The following RBM47 variants were observed in gnomAD, a reference collection of about 807,000 sequenced individuals.
The protein encoded by RBM47 is RNA binding motif protein 47, also known as RNA-binding protein 47.
Under a neutral mutation model 47.1 loss-of-function variants are expected in RBM47, and 21 were observed. That is an observed-to-expected ratio of 0.45 (90% CI 0.32 to 0.64). RBM47 has a LOEUF of 0.64. Among genes scored for constraint, RBM47 ranks in the 30% least tolerant of loss-of-function variants. RBM47 has a pLI of 0.05. For synonymous variants in RBM47, 375 were observed against 361.7 expected, an observed-to-expected ratio of 1.04 and a Z score of -0.42; for missense variants, 708 against 870.9, an observed-to-expected ratio of 0.81 and a Z score of 2.35.
At chr4:40,449,940 C>T (rs1255363685) in intron 3 of RBM47, among the ~76,000 whole-genome samples, 1 of 152,138 alleles carries the variant, frequency 6.6e-6, no homozygotes, top group African/African-American at 2.4e-5. Flanking sequence ...CCTTGGCCTC[C>T]TAAAGTGCTG....
chr4:40,500,273 A>G (rs1577810099), intron 2 of RBM47, among the ~76,000 whole-genome samples: 1 of 145,508 alleles, frequency 6.9e-6, no homozygotes, highest in African/African-American at 2.6e-5. Context: ...AGATCGTGCC[A>G]CTGCACTCCA....
Position 40,423,977 on chromosome 4 carries a change from T to C in RBM47, c.*1927A>G, listed in dbSNP as rs1714708414. ...CATCAGGAACATTGCACAATTATTT[T>C]ATGTCATTTAAAAGAATGATGGAAA... is the stretch of plus-strand genomic sequence containing the variant. On this transcript the variant is annotated 3_prime_UTR_variant, in exon 7 of 7. Coordinates refer to ENST00000295971, the MANE Select transcript of RBM47 (RefSeq NM_001098634.2). 6.6e-6 allele frequency: 1 copy of C among 152,384 alleles called. No homozygotes were observed. The highest frequency in any genetic ancestry group is 1.5e-5 in the Non-Finnish European group (1 of 68,032). The allele number at this position is 152,384 out of a possible 1,614,324, so 9.4% of individuals were successfully genotyped here. A position where few individuals can be genotyped will look rare whatever the true frequency, so the allele number is the denominator to read the frequency against.
At chr4:40,526,975 C>T (rs1014888822) in intron 2 of RBM47, among the ~76,000 whole-genome samples, 3 of 151,984 alleles carry the variant, frequency 2.0e-5, no homozygotes, top group Non-Finnish European at 2.9e-5. Context: ...AGTACAAAAC[C>T]TCACCAGGTT....
chr4:40,521,428 T>C (rs936209801), intron 2 of RBM47, among the ~76,000 whole-genome samples: 1 of 152,204 alleles, frequency 6.6e-6, no homozygotes, highest in Non-Finnish European at 1.5e-5. Context: ...CTTGAACTCC[T>C]GACCTCAGGT....
At chr4:40,442,460 T>G (rs1713808208) in intron 3 of RBM47, among the ~76,000 whole-genome samples, 1 of 152,212 alleles carries the variant, frequency 6.6e-6, no homozygotes, top group Non-Finnish European at 1.5e-5. Context: ...AAAAACAGTA[T>G]GGTGGTTCCT....
intron 1 of RBM47, among the ~76,000 whole-genome samples, chr4:40,592,417 T>C (rs1365863579): frequency 7.7e-6 from 1 of 129,400 alleles, no homozygotes; most frequent in African/African-American, 3.0e-5. Flanking sequence ...GGCTTAATCT[T>C]TTTTTTTTCT....
At chr4:40,569,434 G>A (rs1464725262) in intron 1 of RBM47, among the ~76,000 whole-genome samples, 3 of 149,762 alleles carry the variant, frequency 2.0e-5, no homozygotes, top group Non-Finnish European at 4.5e-5. Context: ...TTTTGAGACG[G>A]AGTCTGGCTC....
At chr4:40,456,576 T>TTC (rs1215826187) in intron 3 of RBM47, among the ~76,000 whole-genome samples, 1 of 144,300 alleles carries the variant, frequency 6.9e-6, no homozygotes, top group African/African-American at 2.6e-5. Context: ...TTTTTCTTTT[T>TTC]TTTTTTTTTT....
intron 1 of RBM47, among the ~76,000 whole-genome samples, chr4:40,564,396 C>T (rs1730906422): frequency 6.6e-6 from 1 of 152,200 alleles, no homozygotes; most frequent in South Asian, 2.1e-4. Context: ...CCCGAACCTG[C>T]ACACACACAT....
At chr4:40,583,590 G>A (rs1217151405) in intron 1 of RBM47, among the ~76,000 whole-genome samples, 2 of 151,862 alleles carry the variant, frequency 1.3e-5, no homozygotes, top group African/African-American at 4.8e-5. Context: ...CAGGCGCGGT[G>A]GCTCATGGCT....
Position 40,437,858 on chromosome 4 carries a change from C to G in RBM47, c.1036G>C (p.Val346Leu). ...AGTGTGTAGGGGTCGCAGGAGTACACGTAGCTGGGCTGCTGCGCTGCCTCA... is the reference window on the plus strand; with the variant it reads ...AGTGTGTAGGGGTCGCAGGAGTACAGGTAGCTGGGCTGCTGCGCTGCCTCA... ...AAEAAQQPSY[V>L]YSCDPYTLAY... The change falls in exon 4 of 7, where the codon GTG becomes CTG. Residue 346 changes from valine (V) to leucine (L), a missense_variant. Val to Leu is a conservative substitution (Grantham distance 32). Coordinates refer to ENST00000295971, the MANE Select transcript of RBM47 (RefSeq NM_001098634.2). 6.2e-7 allele frequency: 1 copy of G among 1,614,022 alleles called. No individual in the cohort carries two copies.
chr4:40,624,304 T>C (rs529000105), intron 1 of RBM47, among the ~76,000 whole-genome samples: 1 of 152,344 alleles, frequency 6.6e-6, no homozygotes, highest in South Asian at 2.1e-4. Flanking sequence ...CCCATGCTCC[T>C]AGCCACTCTG....
rs778604417 is a variant in RBM47, at chr4:40,628,997, AAC to A, written c.-240+397_-240+398del. ...AGGAAGACCCCCCTCTGCCTTGGTT[AAC>A]ACTTAAATGAGATGCCTCCTGTCCA... On this transcript the variant is annotated intron_variant, in intron 1 of 6. Coordinates refer to ENST00000295971, the MANE Select transcript of RBM47 (RefSeq NM_001098634.2). The surrounding 1 kb of genome is among the most constrained non-coding windows in gnomAD (Gnocchi z 4.0). 6.6e-6 allele frequency among the ~76,000 whole-genome samples: 1 copy of A among 152,134 alleles called. No individual in the cohort carries two copies. The highest frequency in any genetic ancestry group is 1.5e-5 in the Non-Finnish European group (1 of 68,026).
At chr4:40,519,275 T>C (rs1725935386) in intron 2 of RBM47, among the ~76,000 whole-genome samples, 1 of 150,230 alleles carries the variant, frequency 6.7e-6, no homozygotes, top group Non-Finnish European at 1.5e-5. Flanking sequence ...CAGAACCAGT[T>C]CAACTGTTTT....
At chr4:40,471,866 T>A (rs1268844000) in intron 2 of RBM47, among the ~76,000 whole-genome samples, 1 of 152,098 alleles carries the variant, frequency 6.6e-6, no homozygotes, top group Admixed American at 6.6e-5. Flanking sequence ...CACATGCTGT[T>A]CCAATATTTC....
intron 3 of RBM47, among the ~76,000 whole-genome samples, chr4:40,459,283 A>C (rs1361604522): frequency 1.3e-5 from 2 of 152,268 alleles, no homozygotes; most frequent in Non-Finnish European, 2.9e-5. Context: ...GGATAGAAGA[A>C]TGAATGAATG....
chr4:40,616,210 C>T (rs1364919645), intron 1 of RBM47, among the ~76,000 whole-genome samples: 2 of 151,722 alleles, frequency 1.3e-5, no homozygotes, highest in Admixed American at 6.6e-5. Flanking sequence ...AAAAATTAGC[C>T]GGGCATGGTG....
intron 2 of RBM47, among the ~76,000 whole-genome samples, chr4:40,531,882 A>C (rs1051842614): frequency 6.6e-6 from 1 of 152,154 alleles, no homozygotes; most frequent in Non-Finnish European, 1.5e-5. Flanking sequence ...GATATCGTTA[A>C]GTGAGGCAGG....
chr4:40,439,348 T>C (rs541995828), intron 3 of RBM47, among the ~76,000 whole-genome samples: 1 of 152,328 alleles, frequency 6.6e-6, no homozygotes, highest in East Asian at 1.9e-4. Flanking sequence ...TCTTCTTTTC[T>C]TTTTTAAGGG....
Sources: allele counts gnomAD v4.1 joint callset (sites outside exome capture counted in the v4.1 genomes callset), GRCh38; gene constraint gnomAD v4.1.1; non-coding constraint Gnocchi (gnomAD v3.1); transcripts MANE v1.5; gene names NCBI Gene and HGNC (gene_info 2026-07-23, HGNC 2026-07-21).